PLXNA2: variants seen among roughly 807,000 people sequenced by gnomAD.
The protein encoded by PLXNA2 is plexin-A2.
PLXNA2 carries 91 observed loss-of-function variants against 193.5 expected under a neutral mutation model. The observed-to-expected ratio is 0.47, with a 90% confidence interval of 0.40 to 0.56. The LOEUF (loss-of-function observed/expected upper bound fraction) is 0.56, where lower values mean the gene tolerates loss of function less well. PLXNA2 is among the 20% of genes least tolerant of loss of function. The pLI is 0.00. For synonymous variants in PLXNA2, 997 were observed against 1,027.3 expected, an observed-to-expected ratio of 0.97 and a Z score of 0.56; for missense variants, 1,995 against 2,503.2, an observed-to-expected ratio of 0.80 and a Z score of 4.33.
rs530596401 is a variant in PLXNA2 at position 208,142,356 on chromosome 1, G to A, written c.1479C>T (p.Arg493=). ...GTCTCTCAGACATGACGTACAGGTA[G>A]CGCTGATCAATGGAGAAGGCCATGT... ...LRDMAFSIDQ[R]YLYVMSERQV... is the part of the protein sequence containing the mutation. The change falls in exon 4 of 32, where the codon CGC becomes CGT. Residue 493 remains arginine, a synonymous_variant. Coordinates refer to ENST00000367033, the MANE Select transcript of PLXNA2 (RefSeq NM_025179.4). The A allele has an allele frequency of 6.2e-7, 1 of 1,613,156 alleles. No homozygotes were observed. Among genetic ancestry groups the A allele is most frequent in the South Asian group, 1.1e-5 (1 of 90,926 alleles).
intron 4 of PLXNA2, among the ~76,000 whole-genome samples, chr1:208,113,715 T>C (rs181532981): frequency 6.6e-6 from 1 of 152,136 alleles, no homozygotes; most frequent in Admixed American, 6.5e-5. Context: ...CCACCATGCC[T>C]GGCTAATTGT....
rs1200237287 is a variant in PLXNA2, at chr1:208,241,190, C to T, written c.-81+2453G>A. ...GAAGTATTGGTAAATGGGAAAGGGA[C>T]CTAGGAAACAGGTAGCTGTTCTTTG... On this transcript the variant is annotated intron_variant, in intron 1 of 31. Transcript: ENST00000367033. Among the ~76,000 whole-genome samples, 5 of 152,096 alleles carry T rather than the reference C, an allele frequency of 3.3e-5. No homozygotes were observed. The East Asian group carries it at 9.6e-4, about 29-fold the overall frequency.
At chr1:208,109,480 A>G (rs1275652873) in intron 4 of PLXNA2, among the ~76,000 whole-genome samples, 2 of 152,206 alleles carry the variant, frequency 1.3e-5, no homozygotes, top group African/African-American at 2.4e-5. Context: ...AGAGATCAAT[A>G]ACGCAGTCAC....
chr1:208,209,981 C>CA (rs1553297869), intron 3 of PLXNA2: 2,187 of 56,620 alleles, frequency 0.039, 265 homozygotes, highest in Non-Finnish European at 0.049. Flanking sequence ...GAATGAAGAG[C>CA]AATTTTTTTT....
chr1:208,133,921 G>A (rs964852056), intron 4 of PLXNA2, among the ~76,000 whole-genome samples: 1 of 152,198 alleles, frequency 6.6e-6, no homozygotes, highest in Non-Finnish European at 1.5e-5. Flanking sequence ...GTGAGACACT[G>A]TAACTTCCCA....
At chr1:208,067,214 C>T (rs1426703976) in intron 12 of PLXNA2, among the ~76,000 whole-genome samples, 1 of 151,966 alleles carries the variant, frequency 6.6e-6, no homozygotes, top group East Asian at 1.9e-4. Flanking sequence ...CTTGGTGTTG[C>T]ATGCCTGTAA....
At chr1:208,172,823 A>G (rs2498040) in intron 3 of PLXNA2, among the ~76,000 whole-genome samples, 147,505 of 152,274 alleles carry the variant, frequency 0.97, 71,610 homozygotes, top group East Asian at 1. Flanking sequence ...AGAAGAAAGG[A>G]GTAACTGGGA....
At chr1:208,134,572 G>A (rs1333209154) in intron 4 of PLXNA2, among the ~76,000 whole-genome samples, 3 of 152,116 alleles carry the variant, frequency 2.0e-5, no homozygotes, top group South Asian at 2.1e-4. Flanking sequence ...TTCCTAATCC[G>A]CAAACTCTGT....
chr1:208,034,637 G>T, intron 26 of PLXNA2, 45 bp from the exon 27 acceptor site: 1 of 1,238,952 alleles, frequency 8.1e-7, no homozygotes, highest in Non-Finnish European at 1.2e-6. Flanking sequence ...GAATGTAGGT[G>T]TCTTGGGAAG....
intron 4 of PLXNA2, among the ~76,000 whole-genome samples, chr1:208,111,534 C>A (rs766544136): frequency 7.2e-5 from 11 of 152,262 alleles, no homozygotes; most frequent in Admixed American, 5.9e-4. Flanking sequence ...TGCCAGTGAT[C>A]AGCTGTGTCG....
chr1:208,027,365 G>C (rs753788609), intron 31 of PLXNA2, 27 bp from the exon 32 acceptor site: 1 of 1,588,782 alleles, frequency 6.3e-7, no homozygotes, highest in South Asian at 1.1e-5. Flanking sequence ...AAGGCAGGAA[G>C]ACTTCAGGAC....
intron 1 of PLXNA2, among the ~76,000 whole-genome samples, chr1:208,222,411 G>A (rs1310495120): frequency 6.6e-6 from 1 of 151,964 alleles, no homozygotes; most frequent in Non-Finnish European, 1.5e-5. Context: ...ACTCTCGCCT[G>A]AACAAGAGAG....
rs35301579 is a variant in PLXNA2, at chr1:208,211,504, C to T, written c.1189-1042G>A. Among the ~76,000 whole-genome samples the T allele has an allele frequency of 7.4e-3, 1,128 of 152,112 alleles. 10 individuals carry two copies. The highest frequency in any genetic ancestry group is 0.019 in the African/African-American group (804 of 41,502). ...GTCAGGAGATCGAGACCATTCTGGCCAACATAGTGAAACCCTGTCTCTACT... is the reference window on the plus strand; with the variant it reads ...GTCAGGAGATCGAGACCATTCTGGCTAACATAGTGAAACCCTGTCTCTACT... On this transcript the variant is annotated intron_variant, in intron 2 of 31. Transcript: ENST00000367033.
chr1:208,055,368 G>A (rs1473503597), intron 13 of PLXNA2, among the ~76,000 whole-genome samples: 1 of 152,194 alleles, frequency 6.6e-6, no homozygotes, highest in Non-Finnish European at 1.5e-5. Context: ...GATACTGGTT[G>A]CCTTAGCCAC....
intron 18 of PLXNA2, among the ~76,000 whole-genome samples, chr1:208,045,646 C>T (rs1665037600): frequency 6.6e-6 from 1 of 152,204 alleles, no homozygotes; most frequent in Non-Finnish European, 1.5e-5. Flanking sequence ...TCCCAAAGCT[C>T]ACAAGAACTA....
At chr1:208,176,677 G>A (rs1669671343) in intron 3 of PLXNA2, among the ~76,000 whole-genome samples, 1 of 152,234 alleles carries the variant, frequency 6.6e-6, no homozygotes, top group Admixed American at 6.5e-5. Context: ...GTCTGTTCAT[G>A]TAGCCCATGC....
intron 3 of PLXNA2, among the ~76,000 whole-genome samples, chr1:208,154,895 A>T (rs1235282718): frequency 6.6e-6 from 1 of 152,252 alleles, no homozygotes; most frequent in East Asian, 1.9e-4. Context: ...AAATGAGATA[A>T]GGAATGTGAA....
At chr1:208,197,449 G>A (rs1017159868) in intron 3 of PLXNA2, among the ~76,000 whole-genome samples, 2 of 152,242 alleles carry the variant, frequency 1.3e-5, no homozygotes, top group Non-Finnish European at 2.9e-5. Flanking sequence ...TAAATATGCT[G>A]CAAATTTACC....
At chr1:208,152,673 A>ACACACACGCG (rs1228311913) in intron 3 of PLXNA2, among the ~76,000 whole-genome samples, 2 of 121,436 alleles carry the variant, frequency 1.6e-5, no homozygotes, top group South Asian at 5.7e-4. Context: ...ACACATACAC[A>ACACACACGCG]CACACACACG....
Sources: gnomAD v4.1 joint callset for allele counts (sites outside exome capture counted in the v4.1 genomes callset) on GRCh38, gnomAD v4.1.1 for gene constraint, MANE v1.5 for transcripts, NCBI Gene and HGNC (gene_info 2026-07-23, HGNC 2026-07-21) for gene names.